EXT1: variants seen among roughly 807,000 people sequenced by gnomAD.
EXT1 encodes the protein exostosin glycosyltransferase 1, also known as exostosin-1.
EXT1 carries 20 observed loss-of-function variants against 82.5 expected under a neutral mutation model. The ratio of observed to expected loss-of-function variants is 0.24; its 90% CI spans 0.17 to 0.35. The LOEUF is 0.35. Ranked by LOEUF, EXT1 falls within the 10% of genes least tolerant of loss-of-function variation. The pLI, the probability that EXT1 is intolerant of heterozygous loss-of-function variation, is 1.00. For missense variants in EXT1, 757 were observed against 936.5 expected (o/e 0.81, Z 2.50); for synonymous variants, 348 against 350.8 (o/e 0.99, Z 0.09).
At chr8:118,063,445 T>A (rs906739164) in intron 1 of EXT1, among the ~76,000 whole-genome samples, 6 of 152,222 alleles carry the variant, frequency 3.9e-5, no homozygotes, top group African/African-American at 1.4e-4. Flanking sequence ...TTCCTAAGCT[T>A]TGCTGAAGTG....
chr8:117,997,775 A>G (rs1815577487), intron 1 of EXT1, among the ~76,000 whole-genome samples: 1 of 152,136 alleles, frequency 6.6e-6, no homozygotes. Flanking sequence ...TTATAAGTTA[A>G]TAAGTACTCT....
chr8:118,040,504 G>A (rs1212639921), intron 1 of EXT1, among the ~76,000 whole-genome samples: 2 of 152,214 alleles, frequency 1.3e-5, no homozygotes, highest in South Asian at 2.1e-4. Context: ...CTCTGTCAGT[G>A]GACATTTCCT....
chr8:117,941,551 C>T (rs1814272938), intron 1 of EXT1, among the ~76,000 whole-genome samples: 1 of 152,200 alleles, frequency 6.6e-6, no homozygotes, highest in Non-Finnish European at 1.5e-5. Context: ...GTCAGGAAGG[C>T]AAACCCAGGC....
At position 118,110,382 on chromosome 8, in the gene EXT1, C is replaced by G. The variant is rs1473004303; in HGVS notation, c.665G>C (p.Ser222Thr). The change falls in exon 1 of 11, where the codon AGT becomes ACT. Residue 222 changes from serine (S) to threonine (T), a missense_variant. By Grantham distance (58) the Ser-to-Thr change is moderately conservative. Around this residue, in one of 4 missense-constraint regions of EXT1, gnomAD observed 247 missense variants for 330.1 expected, o/e 0.75. Transcript: ENST00000378204. ...GQAMLAKASI[S>T]TENFRPNFDV... ...AAAGTTGGGTCGGAAGTTTTCAGTA[C>G]TGATGCTGGCTTTGGCCAGCATCGC... 6.2e-7 allele frequency: 1 copy of G among 1,614,210 alleles called. No individual in the cohort carries two copies. The highest frequency in any genetic ancestry group is 8.5e-7 in the Non-Finnish European group (1 of 1,180,042).
intron 1 of EXT1, among the ~76,000 whole-genome samples, chr8:118,091,486 C>T (rs1817522924): frequency 6.6e-6 from 1 of 152,064 alleles, no homozygotes; most frequent in Non-Finnish European, 1.5e-5. Flanking sequence ...CGCCTGTAAT[C>T]CCAGCACTTT....
chr8:118,091,121 C>G (rs1458312669), intron 1 of EXT1, among the ~76,000 whole-genome samples: 3 of 152,166 alleles, frequency 2.0e-5, no homozygotes, highest in Admixed American at 2.0e-4. Flanking sequence ...TCTCAGCCTG[C>G]TCCCCAAAAG....
intron 1 of EXT1, among the ~76,000 whole-genome samples, chr8:118,104,849 C>T (rs1726148650): frequency 1.3e-5 from 2 of 152,184 alleles, no homozygotes; most frequent in South Asian, 4.1e-4. Context: ...CATGTTTGAA[C>T]ATGAAACATG....
chr8:117,995,361 TC>T (rs1163438796), intron 1 of EXT1, among the ~76,000 whole-genome samples: 1 of 152,216 alleles, frequency 6.6e-6, no homozygotes, highest in African/African-American at 2.4e-5. Flanking sequence ...TCTAATCCAA[TC>T]CAGGATTCCT....
intron 1 of EXT1, among the ~76,000 whole-genome samples, chr8:117,923,374 G>C (rs943726594): frequency 6.6e-6 from 1 of 151,550 alleles, no homozygotes; most frequent in African/African-American, 2.4e-5. Context: ...TGGGTGGCTC[G>C]AGGAGACTGG....
intron 1 of EXT1, among the ~76,000 whole-genome samples, chr8:118,016,460 T>C (rs1054060795): frequency 6.6e-6 from 1 of 152,084 alleles, no homozygotes; most frequent in Non-Finnish European, 1.5e-5. Context: ...CCTTGGGAAA[T>C]GAATGCAGTA....
In EXT1 at chr8:117,852,518, G is replaced by A. The variant is rs117723454; in HGVS notation, c.963-15317C>T. Among the ~76,000 whole-genome samples, 856 of 152,222 alleles carry A rather than the reference G, an allele frequency of 5.6e-3. 1 individual carries two copies. Among genetic ancestry groups the A allele is most frequent in the South Asian group, 0.012 (60 of 4,812 alleles). On this transcript the variant is annotated intron_variant, in intron 1 of 10. Transcript: ENST00000378204. The stretch of plus-strand genomic sequence containing the variant: ...TTTATCTCAGCCAGGACCACCAATG[G>A]AACATAGAAACTTCAAGGCCTCTTC...
rs1249215212 is a variant in EXT1, at chr8:118,062,226, G to A, written c.962+47859C>T. ...AACTCCATGAAACAATCATCGGAAC[G>A]TCTGCTAAACTACATGGACAGCTCA... On this transcript the variant is annotated intron_variant, in intron 1 of 10. Transcript: ENST00000378204. Among the ~76,000 whole-genome samples the A allele has an allele frequency of 4.6e-5, 7 of 152,170 alleles. 1 individual carries two copies. The South Asian group carries it at 1.0e-3, about 22-fold the overall frequency.
In EXT1 at chr8:118,042,264, T is replaced by C. The variant is rs17505499; in HGVS notation, c.962+67821A>G. Among the ~76,000 whole-genome samples the C allele has an allele frequency of 5.7e-3, 872 of 152,256 alleles. 10 individuals are homozygous for C. Among genetic ancestry groups the C allele is most frequent in the African/African-American group, 0.019 (808 of 41,560 alleles). ...AGCTCAATCAGAGGGCTTATAAGTC[T>C]TTCCCAAATCCACCTTGGTTTAGTT... On this transcript the variant is annotated intron_variant, in intron 1 of 10. Coordinates refer to ENST00000378204, the MANE Select transcript of EXT1 (RefSeq NM_000127.3).
intron 1 of EXT1, among the ~76,000 whole-genome samples, chr8:117,902,756 T>G (rs1813473792): frequency 6.6e-6 from 1 of 152,236 alleles, no homozygotes; most frequent in South Asian, 2.1e-4. Context: ...CCATTCATTT[T>G]TTTCACTTTC....
intron 1 of EXT1, among the ~76,000 whole-genome samples, chr8:117,930,694 A>T (rs2129648163): frequency 6.6e-6 from 1 of 152,250 alleles, no homozygotes; most frequent in Admixed American, 6.5e-5. Flanking sequence ...AACCACAGTG[A>T]CTCCATCTTG....
At chr8:118,067,839 G>A (rs17476972) in intron 1 of EXT1, among the ~76,000 whole-genome samples, 213 of 152,318 alleles carry the variant, frequency 1.4e-3, no homozygotes, top group Middle Eastern at 6.8e-3. Context: ...GCCCCATGCT[G>A]TAAGCTTTGC....
intron 1 of EXT1, among the ~76,000 whole-genome samples, chr8:118,020,376 T>A (rs1816079286): frequency 6.6e-6 from 1 of 152,192 alleles, no homozygotes; most frequent in South Asian, 2.1e-4. Flanking sequence ...ACCTTCACTT[T>A]CAGTGGTTGC....
intron 1 of EXT1, among the ~76,000 whole-genome samples, chr8:117,954,158 T>G (rs554956991): frequency 2.0e-5 from 3 of 152,180 alleles, no homozygotes; most frequent in African/African-American, 7.2e-5. Context: ...CAGGGGCTGT[T>G]TGCTTGACCC....
At chr8:118,010,792 C>T (rs1192643990) in intron 1 of EXT1, among the ~76,000 whole-genome samples, 1 of 152,230 alleles carries the variant, frequency 6.6e-6, no homozygotes, top group Non-Finnish European at 1.5e-5. Context: ...TCTTGGCTCA[C>T]ATCTCACTCT....
Sources: allele counts gnomAD v4.1 joint callset (sites outside exome capture counted in the v4.1 genomes callset), GRCh38; gene constraint gnomAD v4.1.1; regional missense constraint gnomAD v4.1.1; transcripts MANE v1.5; gene names NCBI Gene and HGNC (gene_info 2026-07-23, HGNC 2026-07-21).